TAFA4: variants seen among roughly 807,000 people sequenced by gnomAD.
TAFA4 encodes chemokine-like protein TAFA-4.
A neutral mutation model predicts 21.1 loss-of-function variants in TAFA4; 20 were observed. The observed-to-expected ratio is 0.95, with a 90% CI of 0.67 to 1.38. The LOEUF (loss-of-function observed/expected upper bound fraction) is 1.38. Among genes scored for constraint, TAFA4 ranks in the 40% most tolerant of loss-of-function variants. The pLI is 0.00. For synonymous variants in TAFA4, 71 were observed against 67.4 expected, an observed-to-expected ratio of 1.05 and a Z score of -0.26; for missense variants, 211 against 180.9, an observed-to-expected ratio of 1.17 and a Z score of -0.95.
chr3:68,888,972 TCGATAAC>T (rs1439794315), intron 1 of TAFA4, among the ~76,000 whole-genome samples: 3 of 152,202 alleles, frequency 2.0e-5, no homozygotes, highest in African/African-American at 7.2e-5. Flanking sequence ...ACATTCAAGA[TCGATAAC>T]TTTGTGCATG....
rs550915840 is a variant in TAFA4, at chr3:68,766,256, A to G, written c.131-13238T>C. Among the ~76,000 whole-genome samples the G allele has an allele frequency of 5.9e-5, 9 of 152,272 alleles. No individual in the cohort carries two copies. The East Asian group carries it at 1.7e-3, about 29-fold the overall frequency. On this transcript the variant is annotated intron_variant, in intron 3 of 5. Transcript: ENST00000295569. The stretch of plus-strand genomic sequence containing the variant: ...ATGTGAGATCAAATAGAGAATGAAT[A>G]CACTCACCTGCACACATAAACACAC...
In TAFA4 at chr3:68,885,181, G is replaced by A. The variant is rs766999994; in HGVS notation, c.8C>T (p.Ser3Phe). 6.8e-6 allele frequency: 11 copies of A among 1,612,616 alleles called. No individual in the cohort carries two copies. The highest frequency in any genetic ancestry group is 6.7e-5 in the Admixed American group (4 of 59,880). Residue 3 changes from serine (S) to phenylalanine (F), a missense_variant, in exon 2 of 6, where the codon TCC (serine) becomes TTC (phenylalanine). By Grantham distance (155) the Ser-to-Phe change is radical. Transcript: ENST00000295569. Reference protein sequence around the residue: MRSPRMRVCAKSV... With the variant: MRFPRMRVCAKSV... ...AACGTTAAAATAATCTTACCTTGGG[G>A]ACCTCATAAGATGTGGTTCTAGTCA...
chr3:68,827,616 T>A (rs1324869240), intron 3 of TAFA4, among the ~76,000 whole-genome samples: 1 of 152,248 alleles, frequency 6.6e-6, no homozygotes, highest in Non-Finnish European at 1.5e-5. Context: ...TGGTTTTGAT[T>A]TGCATTTCTC....
chr3:68,858,975 TC>T (rs1242370055), intron 3 of TAFA4, among the ~76,000 whole-genome samples: 4 of 151,740 alleles, frequency 2.6e-5, no homozygotes, highest in Admixed American at 2.6e-4. Flanking sequence ...ATGAAAAATG[TC>T]CCATCTGCAA....
chr3:68,781,413 T>C (rs1246891698), intron 3 of TAFA4, among the ~76,000 whole-genome samples: 5 of 151,930 alleles, frequency 3.3e-5, no homozygotes, highest in African/African-American at 4.8e-5. Context: ...AGAAAAAATA[T>C]GTATTACCAA....
intron 3 of TAFA4, among the ~76,000 whole-genome samples, chr3:68,785,884 C>A (rs1361804653): frequency 6.6e-6 from 1 of 152,254 alleles, no homozygotes; most frequent in African/African-American, 2.4e-5. Context: ...TAAATGCACA[C>A]CCTCTTTAAC....
rs527955022 is a variant in TAFA4, at chr3:68,763,424, C to T, written c.131-10406G>A. On this transcript the variant is annotated intron_variant, in intron 3 of 5. Transcript: ENST00000295569. Reference sequence around the variant, plus strand: ...CAAAAAGATATAATGTATTTCCTAACTTTAATATATTTCAAGGAAAATTTA... The same window carrying T: ...CAAAAAGATATAATGTATTTCCTAATTTTAATATATTTCAAGGAAAATTTA... 1.5e-4 allele frequency among the ~76,000 whole-genome samples: 23 copies of T among 152,240 alleles called. 1 individual carries two copies. The South Asian group carries it at 4.6e-3, about 30-fold the overall frequency.
intron 1 of TAFA4, among the ~76,000 whole-genome samples, chr3:68,889,232 T>C (rs957381808): frequency 2.6e-5 from 4 of 152,196 alleles, no homozygotes; most frequent in African/African-American, 7.2e-5. Flanking sequence ...TTCTGCCCGA[T>C]GTGTGGGTAT....
chr3:68,755,143 T>C (rs767995673), intron 3 of TAFA4, among the ~76,000 whole-genome samples: 2 of 152,204 alleles, frequency 1.3e-5, no homozygotes, highest in Admixed American at 1.3e-4. Flanking sequence ...AGTTTCTTGC[T>C]ACTCTCCCAA....
intron 5 of TAFA4, 101 bp from the exon 6 acceptor site, chr3:68,733,254 TC>T: frequency 6.9e-7 from 1 of 1,444,686 alleles, no homozygotes; most frequent in Non-Finnish European, 9.4e-7. Context: ...GAATACTTTA[TC>T]AGTTTGTACA....
At chr3:68,913,408 G>T (rs544271832) in intron 1 of TAFA4, among the ~76,000 whole-genome samples, 1 of 152,254 alleles carries the variant, frequency 6.6e-6, no homozygotes, top group East Asian at 1.9e-4. Flanking sequence ...TGGCTGGGCG[G>T]AGTTGCAAAA....
chr3:68,833,097 A>G (rs1037970236), intron 3 of TAFA4, among the ~76,000 whole-genome samples: 2 of 152,212 alleles, frequency 1.3e-5, no homozygotes, highest in Non-Finnish European at 2.9e-5. Flanking sequence ...CCATTCCTCC[A>G]GGTATAGTCA....
chr3:68,887,900 ATT>A (rs1472687011), intron 1 of TAFA4, among the ~76,000 whole-genome samples: 1 of 152,106 alleles, frequency 6.6e-6, no homozygotes, highest in Non-Finnish European at 1.5e-5. Flanking sequence ...TGTATCAATC[ATT>A]TTAGCAATCT....
rs190719441 is a variant in TAFA4, at chr3:68,877,076, G to A, written c.130+3654C>T. On this transcript the variant is annotated intron_variant, in intron 3 of 5. Coordinates refer to ENST00000295569, the MANE Select transcript of TAFA4 (RefSeq NM_182522.5). ...CATGAGTAATAAAATCTTTTGTCTC[G>A]GGCCGGGCGCAGTGTCTCAGGCCTG... is the stretch of plus-strand genomic sequence containing the variant. Among the ~76,000 whole-genome samples, 950 of 152,046 alleles carry A rather than the reference G, an allele frequency of 6.2e-3. 8 individuals are homozygous for A. Among genetic ancestry groups the A allele is most frequent in the Non-Finnish European group, 9.9e-3 (675 of 67,974 alleles).
intron 3 of TAFA4, among the ~76,000 whole-genome samples, chr3:68,804,590 G>A (rs1337339389): frequency 2.0e-5 from 3 of 152,132 alleles, no homozygotes; most frequent in Admixed American, 6.5e-5. Flanking sequence ...GCATGGTACT[G>A]GTACCAAAAC....
chr3:68,738,780 G>C (rs551765623), intron 5 of TAFA4, among the ~76,000 whole-genome samples: 1 of 152,256 alleles, frequency 6.6e-6, no homozygotes, highest in East Asian at 1.9e-4. Flanking sequence ...TGATACATTG[G>C]CCTGTCGACT....
At position 68,880,862 on chromosome 3, in the gene TAFA4, G is replaced by A. The variant is rs2089610036; in HGVS notation, c.15-17C>T. On this transcript the variant is annotated splice_polypyrimidine_tract_variant and intron_variant, in intron 2 of 5. Coordinates refer to ENST00000295569, the MANE Select transcript of TAFA4 (RefSeq NM_182522.5). ...ACTCTCATCCTGGAGGAAAAGCAGG[G>A]CTGGAGTCAGTGAGGGCTGAGGAAG... 1 of 1,606,868 alleles carries A rather than the reference G, an allele frequency of 6.2e-7. No individual in the cohort carries two copies. The highest frequency in any genetic ancestry group is 1.3e-5 in the African/African-American group (1 of 74,784).
intron 3 of TAFA4, among the ~76,000 whole-genome samples, chr3:68,811,172 C>T (rs1036283172): frequency 3.3e-5 from 5 of 152,120 alleles, no homozygotes; most frequent in African/African-American, 1.2e-4. Context: ...CCCCATCTGT[C>T]GGTCACCATC....
chr3:68,926,297 C>T (rs928784066), intron 1 of TAFA4, among the ~76,000 whole-genome samples: 3 of 151,374 alleles, frequency 2.0e-5, no homozygotes, highest in African/African-American at 7.3e-5. Flanking sequence ...AATAGGTTTA[C>T]CAAAGTTTAA....
Sources: allele counts gnomAD v4.1 joint callset (sites outside exome capture counted in the v4.1 genomes callset), GRCh38; gene constraint gnomAD v4.1.1; transcripts MANE v1.5; gene names NCBI Gene and HGNC (gene_info 2026-07-23, HGNC 2026-07-21).